Variants in CADM2 observed in about 807,000 individuals in gnomAD.
CADM2 encodes immunoglobulin superfamily member 4D.
A neutral mutation model predicts 49.8 loss-of-function variants in CADM2; 12 were observed. The ratio of observed to expected loss-of-function variants is 0.24; its 90% CI spans 0.15 to 0.39. CADM2 has a LOEUF of 0.39. Among genes scored for constraint, CADM2 ranks in the 10% least tolerant of loss-of-function variants. CADM2 has a pLI of 1.00. For synonymous variants in CADM2, 214 were observed against 175.4 expected (o/e 1.22, Z -1.74); for missense variants, 378 against 492.3 (o/e 0.77, Z 2.20).
intron 1 of CADM2, among the ~76,000 whole-genome samples, chr3:84,993,223 C>A (rs1020450674): frequency 6.6e-6 from 1 of 151,996 alleles, no homozygotes; most frequent in Non-Finnish European, 1.5e-5. Context: ...ATTCCTAAAA[C>A]GAAAAGAAGT....
intron 1 of CADM2, among the ~76,000 whole-genome samples, chr3:85,221,829 G>A (rs148053453): frequency 1.3e-5 from 2 of 152,204 alleles, no homozygotes; most frequent in African/African-American, 4.8e-5. Context: ...ACCTGAATTG[G>A]CTCTTGGGTA....
chr3:85,207,513 C>T (rs1435563753), intron 1 of CADM2, among the ~76,000 whole-genome samples: 1 of 152,088 alleles, frequency 6.6e-6, no homozygotes, highest in Non-Finnish European at 1.5e-5. Flanking sequence ...TAAAATCTTC[C>T]TTCCAAGGAA....
At chr3:86,020,155 G>A (rs1261709233) in intron 8 of CADM2, among the ~76,000 whole-genome samples, 1 of 151,930 alleles carries the variant, frequency 6.6e-6, no homozygotes, top group Non-Finnish European at 1.5e-5. Context: ...TAAAGGGGAT[G>A]TCACCACCGA....
At chr3:85,734,183 A>G (rs1463742974) in intron 2 of CADM2, among the ~76,000 whole-genome samples, 1 of 152,158 alleles carries the variant, frequency 6.6e-6, no homozygotes, top group African/African-American at 2.4e-5. Context: ...GTACAATTAA[A>G]AAGCTTTGGG....
intron 6 of CADM2, among the ~76,000 whole-genome samples, chr3:85,933,126 G>T (rs1181401956): frequency 6.6e-6 from 1 of 152,052 alleles, no homozygotes; most frequent in African/African-American, 2.4e-5. Flanking sequence ...AGATCCTGGT[G>T]GTGACCTTCC....
chr3:86,056,204 C>T (rs992639539), intron 8 of CADM2, among the ~76,000 whole-genome samples: 4 of 152,056 alleles, frequency 2.6e-5, no homozygotes, highest in African/African-American at 9.7e-5. Context: ...TGTGAAGGAC[C>T]CTTAGTTCTA....
chr3:85,799,463 G>A (rs2071852655), intron 2 of CADM2, among the ~76,000 whole-genome samples: 1 of 152,084 alleles, frequency 6.6e-6, no homozygotes. Flanking sequence ...CTAGTTTATT[G>A]AGTGTTTTTA....
In CADM2 at chr3:85,593,565, A is replaced by G. The variant is rs571425737; in HGVS notation, c.62-132957A>G. Among the ~76,000 whole-genome samples the G allele has an allele frequency of 1.9e-4, 29 of 152,176 alleles. No individual in the cohort carries two copies. In the South Asian group the frequency reaches 3.1e-3, roughly 16 times the overall value. On this transcript the variant is annotated intron_variant, in intron 1 of 9. Coordinates refer to ENST00000383699, the MANE Select transcript of CADM2 (RefSeq NM_001167675.2). Reference sequence around the variant, plus strand: ...TAAAGAATTGTTCCTAGTGATCTGCAAATAGAAATGTGTAAGAGGCATTAT... The same window carrying G: ...TAAAGAATTGTTCCTAGTGATCTGCGAATAGAAATGTGTAAGAGGCATTAT...
intron 1 of CADM2, among the ~76,000 whole-genome samples, chr3:85,464,813 A>G (rs2038412389): frequency 6.6e-6 from 1 of 152,182 alleles, no homozygotes; most frequent in Non-Finnish European, 1.5e-5. Context: ...TCTTACAGTA[A>G]TATTCTCTGT....
chr3:85,852,066 T>G (rs2075129489), intron 3 of CADM2, among the ~76,000 whole-genome samples: 9 of 152,112 alleles, frequency 5.9e-5, no homozygotes, highest in Admixed American at 5.9e-4. Context: ...TGCAAATGCC[T>G]TTAAAATAAC....
intron 1 of CADM2, among the ~76,000 whole-genome samples, chr3:85,371,677 G>A (rs867953328): frequency 1.5e-4 from 14 of 95,152 alleles, no homozygotes; most frequent in African/African-American, 4.9e-4. Flanking sequence ...GTGTGTGTGT[G>A]TATATATATA....
intron 1 of CADM2, among the ~76,000 whole-genome samples, chr3:85,382,452 A>G (rs1300593973): frequency 2.0e-5 from 3 of 152,170 alleles, no homozygotes; most frequent in African/African-American, 7.2e-5. Flanking sequence ...TTAATAGTCT[A>G]AAAGCAGTTT....
chr3:85,609,657 T>C (rs187519309), intron 1 of CADM2, among the ~76,000 whole-genome samples: 40 of 152,226 alleles, frequency 2.6e-4, no homozygotes, highest in Admixed American at 1.3e-3. Flanking sequence ...AAATAACTTA[T>C]TTTGAATAAG....
At chr3:85,864,368 T>C (rs917199567) in intron 3 of CADM2, among the ~76,000 whole-genome samples, 1 of 152,196 alleles carries the variant, frequency 6.6e-6, no homozygotes. Context: ...TGATTAGTAT[T>C]CTTTGCATTT....
intron 1 of CADM2, among the ~76,000 whole-genome samples, chr3:85,476,738 T>G (rs2107618722): frequency 6.6e-6 from 1 of 152,004 alleles, no homozygotes; most frequent in South Asian, 2.1e-4. Context: ...ATACTTTAGA[T>G]CCACAGAAGG....
At chr3:84,980,327 TA>T (rs1195473875) in intron 1 of CADM2, among the ~76,000 whole-genome samples, 15 of 152,292 alleles carry the variant, frequency 9.8e-5, no homozygotes, top group South Asian at 6.2e-4. Flanking sequence ...AGAACAGAAT[TA>T]AAAAATGTGA....
intron 1 of CADM2, among the ~76,000 whole-genome samples, chr3:85,622,247 A>G (rs2107493150): frequency 6.6e-6 from 1 of 152,256 alleles, no homozygotes; most frequent in South Asian, 2.1e-4. Flanking sequence ...TGTCAGCAAG[A>G]CAATATTATT....
At chr3:85,200,759 A>G (rs1487647765) in intron 1 of CADM2, among the ~76,000 whole-genome samples, 4 of 152,186 alleles carry the variant, frequency 2.6e-5, no homozygotes, top group African/African-American at 9.6e-5. Context: ...TTCAATGGCA[A>G]ATATAAATTT....
chr3:86,024,277 A>G (rs1411568225), intron 8 of CADM2, among the ~76,000 whole-genome samples: 1 of 152,228 alleles, frequency 6.6e-6, no homozygotes, highest in African/African-American at 2.4e-5. Context: ...GGGACAGATC[A>G]GGTATCTAAT....
Sources: gnomAD v4.1 joint callset for allele counts (sites outside exome capture counted in the v4.1 genomes callset) on GRCh38, gnomAD v4.1.1 for gene constraint, MANE v1.5 for transcripts, NCBI Gene and HGNC (gene_info 2026-07-23, HGNC 2026-07-21) for gene names.